The following GBF1 variants were observed in gnomAD, a reference collection of about 807,000 sequenced individuals.
The protein encoded by GBF1 is Golgi-specific brefeldin A-resistance guanine nucleotide exchange factor 1.
Under a neutral mutation model 210.5 loss-of-function variants are expected in GBF1, and 114 were observed. The observed-to-expected ratio is 0.54, with a 90% CI of 0.47 to 0.63. GBF1 has a LOEUF of 0.63. Ranked by LOEUF, GBF1 falls within the 30% of genes least tolerant of loss-of-function variation. The pLI is 0.00. For missense variants in GBF1, 1,851 were observed against 2,357.7 expected (o/e 0.79, Z 4.45); for synonymous variants, 850 against 889.2 (o/e 0.96, Z 0.78).
At position 102,366,873 on chromosome 10, in the gene GBF1, A is replaced by G. The variant is rs928617821; in HGVS notation, c.2434-212A>G. Among the ~76,000 whole-genome samples the G allele has an allele frequency of 1.3e-5, 2 of 152,054 alleles. No individual in the cohort carries two copies. Among genetic ancestry groups the G allele is most frequent in the African/African-American group, 4.8e-5 (2 of 41,404 alleles). On this transcript the variant is annotated intron_variant, in intron 19 of 39. Transcript: ENST00000369983. This position sits in a 1 kb window ranked among gnomAD's most constrained non-coding sequence, Gnocchi z 4.0. ...AGTGCTGGGATTACAAGCGTGAACC[A>G]CCGCACCCAGCCTGCTGTCTCTTAA...
intron 6 of GBF1, 43 bp downstream of exon 6, chr10:102,351,994 G>A (rs555052389): frequency 9.4e-7 from 1 of 1,062,890 alleles, no homozygotes; most frequent in African/African-American, 1.5e-5. Context: ...CCTGGGGCCA[G>A]TGTCTGAGTA....
chr10:102,242,173 C>A (rs1434832125), upstream of GBF1, among the ~76,000 whole-genome samples: 2 of 152,216 alleles, frequency 1.3e-5, no homozygotes, highest in Admixed American at 6.5e-5. Context: ...CCCTTCTTCT[C>A]CAAGGAAGGT....
At chr10:102,343,833 TG>T (rs2058357415) in intron 3 of GBF1, among the ~76,000 whole-genome samples, 1 of 151,922 alleles carries the variant, frequency 6.6e-6, no homozygotes, top group African/African-American at 2.4e-5. Context: ...ATTGTGTTTT[TG>T]TTCTTTTTTT....
intron 17 of GBF1, among the ~76,000 whole-genome samples, chr10:102,364,370 G>A (rs951904732): frequency 8.6e-5 from 13 of 150,894 alleles, no homozygotes; most frequent in Admixed American, 5.3e-4. Context: ...GACTACAGGC[G>A]TGTGCCACCA....
chr10:102,364,159 T>C (rs866563743), intron 17 of GBF1, among the ~76,000 whole-genome samples: 40 of 151,690 alleles, frequency 2.6e-4, no homozygotes, highest in Middle Eastern at 6.8e-3. Flanking sequence ...ATATTCATTC[T>C]GGTGCTTTAG....
At chr10:102,373,499 G>A (rs555044061) in intron 29 of GBF1, among the ~76,000 whole-genome samples, 4 of 152,310 alleles carry the variant, frequency 2.6e-5, no homozygotes, top group Admixed American at 2.6e-4. Context: ...TCGCTTGAAC[G>A]CAGGAGGTTG....
Position 102,278,407 on chromosome 10 carries a change from A to C in GBF1, c.163+18291A>C, listed in dbSNP as rs1033785953. ...TGGTCCTCCTGCCTTGGTCTTCCAAAGTGATGGAATTACAGGCATGAGCCA... is the reference window on the plus strand; with the variant it reads ...TGGTCCTCCTGCCTTGGTCTTCCAACGTGATGGAATTACAGGCATGAGCCA... On this transcript the variant is annotated intron_variant, in intron 3 of 39. Coordinates refer to ENST00000369983, the MANE Select transcript of GBF1 (RefSeq NM_001377137.1). 2.6e-5 allele frequency among the ~76,000 whole-genome samples: 4 copies of C among 152,226 alleles called. No individual in the cohort carries two copies. In the South Asian group the frequency reaches 8.3e-4, roughly 32 times the overall value.
At chr10:102,339,546 A>T (rs1393674626) in intron 3 of GBF1, among the ~76,000 whole-genome samples, 1 of 151,412 alleles carries the variant, frequency 6.6e-6, no homozygotes, top group Non-Finnish European at 1.5e-5. Flanking sequence ...ACGTTCCTGT[A>T]GTCCCAGCTA....
chr10:102,274,064 T>G (rs2074684819), intron 3 of GBF1, among the ~76,000 whole-genome samples: 5 of 152,214 alleles, frequency 3.3e-5, no homozygotes, highest in South Asian at 2.1e-4. Flanking sequence ...ATTTGTTGAT[T>G]ACTTACTATG....
At chr10:102,257,885 A>G (rs1012265867) in intron 1 of GBF1, among the ~76,000 whole-genome samples, 4 of 152,002 alleles carry the variant, frequency 2.6e-5, no homozygotes, top group African/African-American at 9.7e-5. Context: ...ATGAGCCACC[A>G]TGTCTGGCCA....
intron 1 of GBF1, among the ~76,000 whole-genome samples, chr10:102,252,690 C>T (rs1356063480): frequency 6.6e-6 from 1 of 151,730 alleles, no homozygotes; most frequent in Admixed American, 6.6e-5. Flanking sequence ...ACAAAAAATA[C>T]AAAAAAATTA....
At chr10:102,297,455 CTT>C (rs1453232988) in intron 3 of GBF1, among the ~76,000 whole-genome samples, 4 of 152,188 alleles carry the variant, frequency 2.6e-5, no homozygotes, top group Non-Finnish European at 5.9e-5. Flanking sequence ...CCTGAGCTGA[CTT>C]TTGAAAAACC....
the GBF1 span, among the ~76,000 whole-genome samples, chr10:102,233,298 T>TCC: frequency 7.6e-6 from 1 of 132,096 alleles, no homozygotes; most frequent in Admixed American, 8.3e-5. Flanking sequence ...TTTTTTTTTT[T>TCC]TCCTTCTTTT....
intron 3 of GBF1, among the ~76,000 whole-genome samples, chr10:102,271,697 A>G (rs2074437916): frequency 6.6e-6 from 1 of 152,118 alleles, no homozygotes; most frequent in Non-Finnish European, 1.5e-5. Context: ...ATTTTTGGCA[A>G]GAGTATTTTA....
chr10:102,381,299 A>AG, intron 39 of GBF1, 44 bp downstream of exon 39: 1 of 1,604,096 alleles, frequency 6.2e-7, no homozygotes, highest in Non-Finnish European at 8.5e-7. Context: ...AGTAGCAAGC[A>AG]GGGGGCCTAA....
At chr10:102,275,538 T>C (rs1008138852) in intron 3 of GBF1, among the ~76,000 whole-genome samples, 6 of 152,172 alleles carry the variant, frequency 3.9e-5, no homozygotes, top group Non-Finnish European at 7.4e-5. Context: ...GGTTAAGAAC[T>C]TTCTAAAAGA....
intron 17 of GBF1, among the ~76,000 whole-genome samples, chr10:102,364,329 A>G (rs1267962253): frequency 6.8e-6 from 1 of 147,816 alleles, no homozygotes; most frequent in East Asian, 2.0e-4. Flanking sequence ...GGTTCAAGCA[A>G]TTCTTCTGCC....
intron 3 of GBF1, among the ~76,000 whole-genome samples, chr10:102,272,245 C>T (rs895515227): frequency 6.6e-6 from 1 of 152,108 alleles, no homozygotes; most frequent in African/African-American, 2.4e-5. Context: ...GCTGGGATTA[C>T]AGGCACCCAC....
chr10:102,338,041 G>T (rs1366380166), intron 3 of GBF1, among the ~76,000 whole-genome samples: 1 of 152,022 alleles, frequency 6.6e-6, no homozygotes, highest in Non-Finnish European at 1.5e-5. Context: ...TTTAAGGAAA[G>T]TTAACTTTAT....
Sources: gnomAD v4.1 joint callset for allele counts (sites outside exome capture counted in the v4.1 genomes callset) on GRCh38, gnomAD v4.1.1 for gene constraint, Gnocchi (gnomAD v3.1) non-coding constraint, MANE v1.5 for transcripts, NCBI Gene and HGNC (gene_info 2026-07-23, HGNC 2026-07-21) for gene names.